DAB1: variants seen among roughly 807,000 people sequenced by gnomAD.
The protein encoded by DAB1 is disabled homolog 1.
DAB1 carries 15 observed loss-of-function variants against 64.6 expected under a neutral mutation model. The ratio of observed to expected loss-of-function variants is 0.23; its 90% CI spans 0.16 to 0.36. The LOEUF (loss-of-function observed/expected upper bound fraction) is 0.36. Among genes scored for constraint, DAB1 ranks in the 10% least tolerant of loss-of-function variants. The pLI, the probability that DAB1 is intolerant of heterozygous loss-of-function variation, is 1.00. For missense variants in DAB1, 596 were observed against 706.7 expected (o/e 0.84, Z 1.78); for synonymous variants, 235 against 251.9 (o/e 0.93, Z 0.64).
intron 5 of DAB1, among the ~76,000 whole-genome samples, chr1:57,911,661 T>C (rs141766890): frequency 0.013 from 2,000 of 152,322 alleles, 46 homozygotes; most frequent in African/African-American, 0.046. Context: ...TCATGGCTCA[T>C]GGCCCAGCAC....
chr1:58,301,242 G>T (rs1057148703), intron 4 of DAB1, among the ~76,000 whole-genome samples: 1 of 141,688 alleles, frequency 7.1e-6, no homozygotes, highest in African/African-American at 2.6e-5. Flanking sequence ...AGAGGGGGGG[G>T]TCATGAAATT....
intron 5 of DAB1, among the ~76,000 whole-genome samples, chr1:58,024,593 G>A (rs1646861883): frequency 6.6e-6 from 1 of 152,116 alleles, no homozygotes; most frequent in African/African-American, 2.4e-5. Flanking sequence ...GTTATCATAA[G>A]GATTATGCTG....
intron 6 of DAB1, among the ~76,000 whole-genome samples, chr1:57,655,892 C>A (rs1646312993): frequency 6.6e-6 from 1 of 152,148 alleles, no homozygotes; most frequent in African/African-American, 2.4e-5. Context: ...TTAACCAGTT[C>A]TTTCCAAGCT....
rs112159256 is a variant in DAB1 at position 58,000,396 on chromosome 1, G to A, written n.388-116234C>T. 8.1e-3 allele frequency among the ~76,000 whole-genome samples: 1,230 copies of A among 152,210 alleles called. 14 individuals are homozygous for A. The highest frequency in any genetic ancestry group is 0.028 in the African/African-American group (1,180 of 41,512). On this transcript the variant is annotated intron_variant and non_coding_transcript_variant, in intron 5 of 20. Transcript: ENST00000485760. ...TTTGTGACTTGCAGCTGCTGTATGT[G>A]TTTTGGCACATAAACACATAGACAT...
chr1:57,711,970 G>T (rs533259035), intron 6 of DAB1, among the ~76,000 whole-genome samples: 1 of 152,166 alleles, frequency 6.6e-6, no homozygotes, highest in South Asian at 2.1e-4. Flanking sequence ...GAACTTCAAT[G>T]GTCCTTTGGA....
At chr1:57,879,574 G>C (rs1644110220) in intron 1 of DAB1, among the ~76,000 whole-genome samples, 1 of 152,138 alleles carries the variant, frequency 6.6e-6, no homozygotes, top group Admixed American at 6.6e-5. Flanking sequence ...TCTGTGGTTG[G>C]CCAGCATGCC....
chr1:58,005,679 A>G (rs1415398488), intron 5 of DAB1, among the ~76,000 whole-genome samples: 1 of 151,874 alleles, frequency 6.6e-6, no homozygotes, highest in Admixed American at 6.6e-5. Flanking sequence ...AGACATAAAT[A>G]GCAAGATCTT....
At chr1:57,466,823 G>T (rs1686969384) in intron 7 of DAB1, among the ~76,000 whole-genome samples, 1 of 152,088 alleles carries the variant, frequency 6.6e-6, no homozygotes, top group South Asian at 2.1e-4. Context: ...AATGCTACCT[G>T]CATCCCTTCT....
chr1:57,297,678 T>C (rs1462073532), intron 1 of DAB1, among the ~76,000 whole-genome samples: 2 of 152,184 alleles, frequency 1.3e-5, no homozygotes, highest in Non-Finnish European at 2.9e-5. Context: ...ATTGTGAGAT[T>C]ATTTCCAAAT....
rs1423660605 is a variant in DAB1, at chr1:58,300,643, AGAGAGGAAGG to A, written n.309+42699_309+42708del. On this transcript the variant is annotated intron_variant and non_coding_transcript_variant, in intron 4 of 20. Transcript: ENST00000485760. ...GAGAGAGAGAGAGAGAGAGAGAGAG[AGAGAGGAAGG>A]AAGGAAGGAAGGAAGGAAGGAAGGA... Among the ~76,000 whole-genome samples the A allele has an allele frequency of 2.5e-3, 133 of 53,982 alleles. 3 individuals are homozygous for A. Among genetic ancestry groups the A allele is most frequent in the East Asian group, 6.2e-3 (8 of 1,282 alleles). The allele number at this position is 53,982 out of a possible 152,430, so 35.4% of individuals were successfully genotyped here. A position where few individuals can be genotyped will look rare whatever the true frequency, so the allele number is the denominator to read the frequency against.
At chr1:58,490,957 T>G (rs908387141) in intron 3 of DAB1, among the ~76,000 whole-genome samples, 3 of 151,512 alleles carry the variant, frequency 2.0e-5, no homozygotes, top group Non-Finnish European at 4.4e-5. Context: ...AGGCACCCGC[T>G]ACCAAGCCCG....
intron 2 of DAB1, among the ~76,000 whole-genome samples, chr1:57,195,092 C>G (rs1366161835): frequency 6.6e-6 from 1 of 152,194 alleles, no homozygotes; most frequent in East Asian, 1.9e-4. Context: ...GCATAATATA[C>G]TCTTGCCTGA....
chr1:58,308,049 T>C (rs1231970280), intron 4 of DAB1, among the ~76,000 whole-genome samples: 3 of 151,944 alleles, frequency 2.0e-5, no homozygotes, highest in Non-Finnish European at 2.9e-5. Flanking sequence ...TCTAGAAAAA[T>C]TCAGCTTATT....
At chr1:57,856,836 G>T in intron 1 of DAB1, among the ~76,000 whole-genome samples, 1 of 152,226 alleles carries the variant, frequency 6.6e-6, no homozygotes, top group South Asian at 2.1e-4. Flanking sequence ...TCTCAATGGG[G>T]ATGTGTTCAA....
At chr1:58,390,725 C>A (rs374642181) in intron 3 of DAB1, among the ~76,000 whole-genome samples, 1 of 152,172 alleles carries the variant, frequency 6.6e-6, no homozygotes, top group Non-Finnish European at 1.5e-5. Context: ...ATTTTTTGCA[C>A]CATGTCTCAG....
At chr1:57,512,451 G>A (rs952091925) in intron 7 of DAB1, among the ~76,000 whole-genome samples, 4 of 152,160 alleles carry the variant, frequency 2.6e-5, no homozygotes, top group Middle Eastern at 3.2e-3. Flanking sequence ...TAGGAAGTAG[G>A]TACACAAAAT....
At chr1:58,472,509 T>C (rs1479797112) in intron 3 of DAB1, among the ~76,000 whole-genome samples, 1 of 152,192 alleles carries the variant, frequency 6.6e-6, no homozygotes, top group Non-Finnish European at 1.5e-5. Context: ...GGAGAAGCGG[T>C]TCCCTTCAAG....
chr1:57,695,397 AAAGAAAGAAAGAAAGAAAGAAAG>A (rs1646829122), intron 6 of DAB1, among the ~76,000 whole-genome samples: 1 of 86,514 alleles, frequency 1.2e-5, no homozygotes, highest in African/African-American at 4.4e-5. Flanking sequence ...AGAAAGAAAG[AAAGAAAGAAAGAAAGAAAGAAAG>A]AAAGAAAGAA....
At chr1:57,606,620 T>C (rs1272846747) in intron 7 of DAB1, among the ~76,000 whole-genome samples, 2 of 116,074 alleles carry the variant, frequency 1.7e-5, no homozygotes, top group Non-Finnish European at 3.3e-5. Context: ...AAATATATAA[T>C]ATATGAAATA....
Sources: allele counts gnomAD v4.1 joint callset (sites outside exome capture counted in the v4.1 genomes callset), GRCh38; gene constraint gnomAD v4.1.1; transcripts MANE v1.5; gene names NCBI Gene and HGNC (gene_info 2026-07-23, HGNC 2026-07-21).